Variants in MMP24 observed in about 807,000 individuals in gnomAD.
MMP24 encodes the protein matrix metalloproteinase-24.
A neutral mutation model predicts 62.8 loss-of-function variants in MMP24; 25 were observed. The observed-to-expected ratio is 0.40, with a 90% CI of 0.29 to 0.56. The LOEUF is 0.56. MMP24 is among the 20% of genes least tolerant of loss of function. The pLI is 0.50. For missense variants in MMP24, 634 were observed against 853.6 expected (o/e 0.74, Z 3.21); for synonymous variants, 319 against 350.5 (o/e 0.91, Z 1.00).
chr20:35,237,003 G>T (rs1303306721), intron 1 of MMP24, among the ~76,000 whole-genome samples: 2 of 148,812 alleles, frequency 1.3e-5, no homozygotes, highest in Non-Finnish European at 3.0e-5. Context: ...AAATCACTAA[G>T]AGCAAGTTGG....
chr20:35,252,410 ACT>A (rs1253347848), intron 3 of MMP24, among the ~76,000 whole-genome samples: 1 of 152,072 alleles, frequency 6.6e-6, no homozygotes, highest in Non-Finnish European at 1.5e-5. Flanking sequence ...ACAGAGTGAG[ACT>A]CTGTCTCCAA....
chr20:35,246,815 TC>T (rs1291621354), intron 1 of MMP24, 24 bp from the exon 2 acceptor site: 19 of 1,612,702 alleles, frequency 1.2e-5, no homozygotes, highest in Non-Finnish European at 1.6e-5. Context: ...GCATAACGCA[TC>T]TTTTTCTTTC....
At chr20:35,266,346 C>G (rs927000251) in intron 5 of MMP24, among the ~76,000 whole-genome samples, 1 of 123,852 alleles carries the variant, frequency 8.1e-6, no homozygotes, top group Non-Finnish European at 1.6e-5. Context: ...AGCGAGACTC[C>G]TTCTCAAAAA....
chr20:35,268,894 G>T (rs1039169503), intron 6 of MMP24, among the ~76,000 whole-genome samples: 2 of 152,196 alleles, frequency 1.3e-5, no homozygotes, highest in Non-Finnish European at 2.9e-5. Context: ...GGGTGTGGTG[G>T]CGGGCGCCTG....
chr20:35,270,320 T>C (rs1243537197), intron 7 of MMP24, among the ~76,000 whole-genome samples: 1 of 152,136 alleles, frequency 6.6e-6, no homozygotes, highest in Non-Finnish European at 1.5e-5. Context: ...AGACCTCAGA[T>C]GGGTGAGATA....
At chr20:35,233,508 T>C (rs2060447210) in intron 1 of MMP24, among the ~76,000 whole-genome samples, 2 of 152,204 alleles carry the variant, frequency 1.3e-5, no homozygotes, top group Admixed American at 6.5e-5. Flanking sequence ...GATTTTCCAA[T>C]ATATATTGTT....
chr20:35,246,717 T>C, intron 1 of MMP24, 123 bp from the exon 2 acceptor site: 1 of 1,146,858 alleles, frequency 8.7e-7, no homozygotes, highest in East Asian at 2.4e-5. Flanking sequence ...GAAAAAGAAC[T>C]CAGAGCATGA....
At chr20:35,270,429 C>T (rs1428004739) in intron 7 of MMP24, among the ~76,000 whole-genome samples, 1 of 152,238 alleles carries the variant, frequency 6.6e-6, no homozygotes, top group African/African-American at 2.4e-5. Context: ...TTAGAAGGCC[C>T]ACCTGATGGC....
chr20:35,273,792 G>A (rs1212287153), intron 8 of MMP24, among the ~76,000 whole-genome samples: 1 of 151,840 alleles, frequency 6.6e-6, no homozygotes, highest in East Asian at 1.9e-4. Flanking sequence ...CTGCATCTGT[G>A]TTGTGAAGTG....
At chr20:35,253,590 G>C (rs1182521797) in intron 3 of MMP24, among the ~76,000 whole-genome samples, 1 of 151,976 alleles carries the variant, frequency 6.6e-6, no homozygotes, top group Non-Finnish European at 1.5e-5. Flanking sequence ...AGGGTCACAG[G>C]GCAGGGAACC....
chr20:35,266,842 G>A (rs1467343152), intron 5 of MMP24, among the ~76,000 whole-genome samples: 1 of 152,124 alleles, frequency 6.6e-6, no homozygotes, highest in Non-Finnish European at 1.5e-5. Flanking sequence ...GTGACGGGTA[G>A]AAGCTGCACT....
intron 2 of MMP24, 89 bp downstream of exon 2, chr20:35,247,077 C>T: frequency 7.0e-7 from 1 of 1,436,464 alleles, no homozygotes; most frequent in Non-Finnish European, 9.7e-7. Flanking sequence ...ACCCCATGCC[C>T]ATCCTCCCTT....
At chr20:35,227,471 T>G (rs2060419764) in intron 1 of MMP24, among the ~76,000 whole-genome samples, 2 of 151,876 alleles carry the variant, frequency 1.3e-5, no homozygotes, top group African/African-American at 4.8e-5. Flanking sequence ...TTGTTCTAGC[T>G]TGGCCCCACA....
intron 1 of MMP24, among the ~76,000 whole-genome samples, chr20:35,240,105 A>G (rs530667599): frequency 6.6e-6 from 1 of 152,308 alleles, no homozygotes; most frequent in Admixed American, 6.5e-5. Context: ...ACTTGTAGGC[A>G]CTGCCAGAGC....
chr20:35,255,208 G>A (rs1414446436), intron 4 of MMP24, among the ~76,000 whole-genome samples: 1 of 152,090 alleles, frequency 6.6e-6, no homozygotes, highest in Non-Finnish European at 1.5e-5. Flanking sequence ...GCGGGTGCCT[G>A]TAATCCCAGC....
chr20:35,251,769 C>T, intron 2 of MMP24, 136 bp from the exon 3 acceptor site: 2 of 661,950 alleles, frequency 3.0e-6, no homozygotes, highest in South Asian at 3.7e-5. Context: ...TGGGGTCCAT[C>T]CAAGCCAGGG....
chr20:35,264,241 T>G, intron 5 of MMP24: 8 of 225,974 alleles, frequency 3.5e-5, no homozygotes, highest in Admixed American at 1.2e-4. Flanking sequence ...TTCCACACTC[T>G]TCCCCGTCCC....
chr20:35,228,878 G>T (rs181676603), intron 1 of MMP24, among the ~76,000 whole-genome samples: 1 of 152,182 alleles, frequency 6.6e-6, no homozygotes, highest in African/African-American at 2.4e-5. Context: ...ATGTCAACTT[G>T]ACCATTGTCT....
chr20:35,251,995 G>A lies in MMP24; in HGVS notation c.486G>A (p.Lys162=). Reference sequence around the variant, plus strand: ...AGCGCTATGCCCTGACTGGACAGAAGTGGAGGCAAAAACACATCACCTACA... The same window carrying A: ...AGCGCTATGCCCTGACTGGACAGAAATGGAGGCAAAAACACATCACCTACA... ...RNKRYALTGQ[K]WRQKHITYSI... The change falls in exon 3 of 9, where the codon AAG becomes AAA. Residue 162 remains lysine (K), a synonymous_variant. Transcript: ENST00000246186. The A allele has an allele frequency of 6.2e-7, 1 of 1,614,000 alleles. No individual in the cohort carries two copies. The highest frequency in any genetic ancestry group is 1.3e-5 in the African/African-American group (1 of 75,050).
Sources: gnomAD v4.1 joint callset for allele counts (sites outside exome capture counted in the v4.1 genomes callset) on GRCh38, gnomAD v4.1.1 for gene constraint, MANE v1.5 for transcripts, NCBI Gene and HGNC (gene_info 2026-07-23, HGNC 2026-07-21) for gene names.